The following BMPR2 variants were observed in gnomAD, a reference collection of about 807,000 sequenced individuals.
BMPR2 encodes bone morphogenetic protein receptor type-2.
BMPR2 carries 29 observed loss-of-function variants against 100.8 expected under a neutral mutation model. That is an observed-to-expected ratio of 0.29 (90% CI 0.21 to 0.39). The LOEUF (loss-of-function observed/expected upper bound fraction) is 0.39, where lower values mean the gene tolerates loss of function less well. BMPR2 is among the 10% of genes least tolerant of loss of function. The probability of loss-of-function intolerance (pLI) is 1.00; values close to 1 mark genes in which losing one functional copy is unlikely to be tolerated. For missense variants in BMPR2, 1,011 were observed against 1,274.5 expected, an observed-to-expected ratio of 0.79 and a Z score of 3.15; for synonymous variants, 382 against 442.3, an observed-to-expected ratio of 0.86 and a Z score of 1.71.
chr2:202,530,925 G>C lies in BMPR2; in HGVS notation c.1099G>C (p.Gly367Arg), dbSNP rs983264066. 5.6e-6 allele frequency: 9 copies of C among 1,614,126 alleles called. No individual in the cohort carries two copies. The highest frequency in any genetic ancestry group is 1.3e-5 in the African/African-American group (1 of 75,044). Residue 367 changes from glycine (G) to arginine (R), a missense_variant, in exon 8 of 13, where the codon GGG (glycine) becomes CGG (arginine). Around this residue, in one of 6 missense-constraint regions of BMPR2, gnomAD observed 355 missense variants for 455.3 expected, o/e 0.78. Transcript: ENST00000374580. ...GACTGGAAATAGACTGGTGCGCCCA[G>C]GGGAGGAAGATAATGCAGCCATAAG... ...RLTGNRLVRP[G>R]EEDNAAISEV...
intron 1 of BMPR2, among the ~76,000 whole-genome samples, chr2:202,433,465 A>C (rs1213629265): frequency 2.7e-5 from 4 of 150,806 alleles, no homozygotes; most frequent in African/African-American, 1.0e-4. Context: ...AGCAACATGA[A>C]TTCTACTAAA....
At chr2:202,450,678 T>G (rs1294659785) in intron 1 of BMPR2, among the ~76,000 whole-genome samples, 6 of 99,696 alleles carry the variant, frequency 6.0e-5, no homozygotes, top group African/African-American at 2.0e-4. Flanking sequence ...GCAACAAAAG[T>G]GAAACTCCAT....
intron 1 of BMPR2, among the ~76,000 whole-genome samples, chr2:202,390,000 C>CA (rs59969821): frequency 7.6e-4 from 100 of 132,390 alleles, no homozygotes; most frequent in East Asian, 5.5e-3. Flanking sequence ...ATGAAGTATA[C>CA]AAAAAAAAAA....
chr2:202,417,396 G>A (rs756739451), intron 1 of BMPR2, among the ~76,000 whole-genome samples: 3 of 151,736 alleles, frequency 2.0e-5, no homozygotes, highest in Non-Finnish European at 2.9e-5. Context: ...TCCGCCTTCC[G>A]GGTTCGAGCG....
chr2:202,379,871 T>C (rs986282061), intron 1 of BMPR2, among the ~76,000 whole-genome samples: 1 of 152,040 alleles, frequency 6.6e-6, no homozygotes, highest in African/African-American at 2.4e-5. Flanking sequence ...TCTTTCTTTT[T>C]TGTTCAGACA....
chr2:202,461,311 C>T (rs1308107156), intron 1 of BMPR2, among the ~76,000 whole-genome samples: 1 of 152,192 alleles, frequency 6.6e-6, no homozygotes, highest in Non-Finnish European at 1.5e-5. Flanking sequence ...AACATGAAAC[C>T]TCGTCTCTAC....
intron 9 of BMPR2, among the ~76,000 whole-genome samples, chr2:202,534,860 C>T (rs1460492380): frequency 3.3e-4 from 48 of 145,618 alleles, no homozygotes; most frequent in Non-Finnish European, 5.9e-4. Flanking sequence ...GGGCTGACCC[C>T]CCCACCTCCC....
intron 1 of BMPR2, among the ~76,000 whole-genome samples, chr2:202,399,182 A>G (rs1359641728): frequency 6.6e-6 from 1 of 152,214 alleles, no homozygotes. Flanking sequence ...GAACAAGATC[A>G]TTAGAGATTG....
intron 5 of BMPR2, among the ~76,000 whole-genome samples, chr2:202,515,582 A>AAAG (rs1457802976): frequency 6.6e-6 from 1 of 151,344 alleles, no homozygotes; most frequent in South Asian, 2.1e-4. Context: ...AAAAAAAAAA[A>AAAG]AAAGAAAGAA....
chr2:202,443,446 G>A lies in BMPR2; in HGVS notation c.77-21363G>A, dbSNP rs187500188. Among the ~76,000 whole-genome samples, 377 of 150,630 alleles carry A rather than the reference G, an allele frequency of 2.5e-3. 3 individuals are homozygous for A. Among genetic ancestry groups the A allele is most frequent in the Middle Eastern group, 0.014 (4 of 292 alleles). ...CCCACCAACAGTGTACAAGGGTCAA[G>A]GATTCCAATTTCTTTATATATTCAC... On this transcript the variant is annotated intron_variant, in intron 1 of 12. Coordinates refer to ENST00000374580, the MANE Select transcript of BMPR2 (RefSeq NM_001204.7).
At chr2:202,443,134 A>C (rs1691780346) in intron 1 of BMPR2, among the ~76,000 whole-genome samples, 1 of 150,642 alleles carries the variant, frequency 6.6e-6, no homozygotes, top group Non-Finnish European at 1.5e-5. Flanking sequence ...TCTGTAAGCC[A>C]CGAAGAGAGC....
intron 1 of BMPR2, among the ~76,000 whole-genome samples, chr2:202,419,090 A>T (rs977594582): frequency 6.6e-6 from 1 of 152,224 alleles, no homozygotes; most frequent in African/African-American, 2.4e-5. Context: ...GGTCCCTCAG[A>T]TAGAAATTTG....
chr2:202,487,907 G>C (rs34519942), intron 3 of BMPR2, among the ~76,000 whole-genome samples: 1 of 152,066 alleles, frequency 6.6e-6, no homozygotes, highest in Non-Finnish European at 1.5e-5. Flanking sequence ...ATTGGGTTTC[G>C]CTATTTTGGC....
chr2:202,468,498 A>G (rs1354146476), intron 3 of BMPR2, among the ~76,000 whole-genome samples: 1 of 152,224 alleles, frequency 6.6e-6, no homozygotes, highest in Non-Finnish European at 1.5e-5. Flanking sequence ...AGTACTTTAC[A>G]ACCTGTATGG....
chr2:202,564,166 T>G lies in BMPR2; in HGVS notation c.*4220T>G, dbSNP rs1233006790. On this transcript the variant is annotated 3_prime_UTR_variant, in exon 13 of 13. Transcript: ENST00000374580. Reference sequence around the variant, plus strand: ...AGTGCCTCCTGAAAGTCATTTAAAATGGAAAAATATTTCAATGAGCTTTTC... The same window carrying G: ...AGTGCCTCCTGAAAGTCATTTAAAAGGGAAAAATATTTCAATGAGCTTTTC... 1 of 152,236 alleles carries G rather than the reference T, an allele frequency of 6.6e-6. No homozygotes were observed. Among genetic ancestry groups the G allele is most frequent in the Admixed American group, 6.5e-5 (1 of 15,280 alleles). 9.4% of individuals were successfully genotyped at this position (152,236 alleles called of 1,614,324 possible). A position where few individuals can be genotyped will look rare whatever the true frequency, so the allele number is the denominator to read the frequency against.
chr2:202,403,031 T>TTGGTCAGGCTGGTCTCAAAC (rs1690798551), intron 1 of BMPR2, among the ~76,000 whole-genome samples: 1 of 151,748 alleles, frequency 6.6e-6, no homozygotes, highest in Non-Finnish European at 1.5e-5. Context: ...TTTCTCCATG[T>TTGGTCAGGCTGGTCTCAAAC]TGGTCAGGCT....
At chr2:202,478,343 C>T (rs998757599) in intron 3 of BMPR2, among the ~76,000 whole-genome samples, 2 of 152,146 alleles carry the variant, frequency 1.3e-5, no homozygotes, top group Admixed American at 1.3e-4. Context: ...GTCAATGAGT[C>T]AACCATATAC....
At chr2:202,448,587 G>C (rs1036020782) in intron 1 of BMPR2, among the ~76,000 whole-genome samples, 1 of 151,528 alleles carries the variant, frequency 6.6e-6, no homozygotes. Flanking sequence ...TTCCCGAGTA[G>C]CTGGAACTAC....
chr2:202,516,029 T>A lies in BMPR2; in HGVS notation c.621+1050T>A, dbSNP rs553827461. 2.0e-5 allele frequency among the ~76,000 whole-genome samples: 3 copies of A among 152,266 alleles called. No homozygotes were observed. In the East Asian group the frequency reaches 5.8e-4, roughly 29 times the overall value. On this transcript the variant is annotated intron_variant, in intron 5 of 12. Transcript: ENST00000374580. ...TAATAGACAACAAATAAATACTCCT[T>A]GTCTGCATATATTACATATTTTTAT... is the stretch of plus-strand genomic sequence containing the variant.
Sources: allele counts gnomAD v4.1 joint callset (sites outside exome capture counted in the v4.1 genomes callset), GRCh38; gene constraint gnomAD v4.1.1; regional missense constraint gnomAD v4.1.1; transcripts MANE v1.5; gene names NCBI Gene and HGNC (gene_info 2026-07-23, HGNC 2026-07-21).